Variants in ANKMY1 observed in about 807,000 individuals in gnomAD.
ANKMY1 encodes ankyrin repeat and MYND domain containing 1.
ANKMY1 carries 98 observed loss-of-function variants against 102.0 expected under a neutral mutation model. That is an observed-to-expected ratio of 0.96 (90% CI 0.82 to 1.14). ANKMY1 has a LOEUF of 1.14. Ranked by LOEUF, ANKMY1 falls within the 50% of genes most tolerant of loss-of-function variation. The probability of loss-of-function intolerance (pLI) is 0.00; values close to 1 mark genes in which losing one functional copy is unlikely to be tolerated. For synonymous variants in ANKMY1, 582 were observed against 559.9 expected, an observed-to-expected ratio of 1.04 and a Z score of -0.56; for missense variants, 1,330 against 1,347.6, an observed-to-expected ratio of 0.99 and a Z score of 0.20.
chr2:240,543,713 G>A (rs1400772329), intron 4 of ANKMY1, among the ~76,000 whole-genome samples: 1 of 151,976 alleles, frequency 6.6e-6, no homozygotes, highest in Non-Finnish European at 1.5e-5. Context: ...TAGATAAACT[G>A]CTAAAAATAA....
rs2081932287 is a variant in ANKMY1, at chr2:240,520,234, C to CA, written c.2004+127dup. On this transcript the variant is annotated intron_variant, in intron 9 of 17. Coordinates refer to ENST00000401804, the MANE Select transcript of ANKMY1 (RefSeq NM_001282771.3). This position sits in a 1 kb window ranked among gnomAD's most constrained non-coding sequence, Gnocchi z 4.8. ...CCCACTGCGGCGCGCCGTCATCACT[C>CA]ACAGCCCAGGTGGTCGCCTGCAAGA... The CA allele has an allele frequency of 7.1e-7, 1 of 1,399,400 alleles. No individual in the cohort carries two copies. Among genetic ancestry groups the CA allele is most frequent in the Non-Finnish European group, 9.9e-7 (1 of 1,014,104 alleles). 86.7% of individuals were successfully genotyped at this position (1,399,400 alleles called of 1,614,324 possible).
chr2:240,532,205 AATAGGC>A, intron 4 of ANKMY1: 1 of 415,340 alleles, frequency 2.4e-6, no homozygotes. Flanking sequence ...TCAAAAGAGC[AATAGGC>A]TGACAGCTGA....
At chr2:240,480,716 G>C (rs548533727) in intron 17 of ANKMY1, among the ~76,000 whole-genome samples, 55 of 152,208 alleles carry the variant, frequency 3.6e-4, no homozygotes, top group Non-Finnish European at 6.6e-4. Flanking sequence ...CTTCCAGGAC[G>C]AGGACAAGCA....
At chr2:240,512,352 T>G (rs934447855) in intron 10 of ANKMY1, among the ~76,000 whole-genome samples, 17 of 152,282 alleles carry the variant, frequency 1.1e-4, no homozygotes, top group African/African-American at 3.6e-4. Context: ...GCTCAACCCC[T>G]TGTGGAGGAA....
chr2:240,477,308 C>G (rs2074921228), downstream of ANKMY1, among the ~76,000 whole-genome samples: 1 of 152,166 alleles, frequency 6.6e-6, no homozygotes, highest in Non-Finnish European at 1.5e-5. Flanking sequence ...AAGAGAGAAA[C>G]TCTGTCTCAA....
chr2:240,489,988 G>T (rs1404337213), intron 15 of ANKMY1, among the ~76,000 whole-genome samples: 1 of 152,004 alleles, frequency 6.6e-6, no homozygotes, highest in African/African-American at 2.4e-5. Flanking sequence ...ATTCAATCTT[G>T]GTAGACTCGA....
In ANKMY1 at chr2:240,499,960, C is replaced by G; in HGVS notation, c.2804G>C (p.Arg935Thr). Residue 935 changes from arginine (R) to threonine (T), a missense_variant and splice_region_variant, in exon 15 of 18, where the codon AGA becomes ACA. Transcript: ENST00000401804. This position sits in a 1 kb window ranked among gnomAD's most constrained non-coding sequence, Gnocchi z 4.2. ...GCAGAGCAGGGCCCACTGCTCACCT[C>G]TCTTGCACAGGTACAGCCACGTGGG... ...WDPTWLYLCKRAELIPSHRMK... is the reference protein window; with the variant it reads ...WDPTWLYLCKTAELIPSHRMK... 1 of 1,612,034 alleles carries G rather than the reference C, an allele frequency of 6.2e-7. No individual in the cohort carries two copies. The highest frequency in any genetic ancestry group is 8.5e-7 in the Non-Finnish European group (1 of 1,179,292).
In ANKMY1 at chr2:240,520,514, T is replaced by C; in HGVS notation, c.1852A>G (p.Thr618Ala). 1 of 1,612,410 alleles carries C rather than the reference T, an allele frequency of 6.2e-7. No homozygotes were observed. Among genetic ancestry groups the C allele is most frequent in the South Asian group, 1.1e-5 (1 of 91,002 alleles). The change falls in exon 9 of 18, where the codon ACC (threonine) becomes GCC (alanine). Residue 618 changes from threonine (T) to alanine (A), a missense_variant. Coordinates refer to ENST00000401804, the MANE Select transcript of ANKMY1 (RefSeq NM_001282771.3). The surrounding 1 kb of genome is among the most constrained non-coding windows in gnomAD (Gnocchi z 4.8). The stretch of plus-strand genomic sequence containing the variant: ...CCCCGGCGCAGCAGCAGCTTGATGG[T>C]CCGCCAGCGCTTCCTCCGCCTGAAA... ...SMIERRKRWRTIKLLLRRGAD... is the reference protein window; with the variant it reads ...SMIERRKRWRAIKLLLRRGAD...
At chr2:240,485,584 C>CTT (rs201255082) in intron 15 of ANKMY1, among the ~76,000 whole-genome samples, 1 of 146,804 alleles carries the variant, frequency 6.8e-6, no homozygotes. Context: ...CATGAATCTT[C>CTT]TTTTTTTTTT....
chr2:240,539,692 GAACA>G (rs2088095668), intron 4 of ANKMY1, among the ~76,000 whole-genome samples: 1 of 152,194 alleles, frequency 6.6e-6, no homozygotes, highest in African/African-American at 2.4e-5. Context: ...CCAACTCCTG[GAACA>G]AACAGATGAA....
At chr2:240,500,351 C>A in intron 14 of ANKMY1, 101 bp downstream of exon 14, 1 of 1,338,502 alleles carries the variant, frequency 7.5e-7, no homozygotes, top group African/African-American at 1.5e-5. Flanking sequence ...GCGCTAGGAA[C>A]CTTGAGCCCA....
chr2:240,483,584 T>C (rs908286596), intron 15 of ANKMY1, among the ~76,000 whole-genome samples: 3 of 152,264 alleles, frequency 2.0e-5, no homozygotes, highest in Non-Finnish European at 4.4e-5. Context: ...TGATATCCTG[T>C]AGTTGGATTT....
chr2:240,543,405 G>A (rs995170690), intron 4 of ANKMY1, among the ~76,000 whole-genome samples: 19 of 151,510 alleles, frequency 1.3e-4, no homozygotes, highest in Admixed American at 1.2e-3. Flanking sequence ...CTTCAGAATT[G>A]CCAGCATATA....
chr2:240,505,233 G>A (rs572434680), intron 13 of ANKMY1, among the ~76,000 whole-genome samples: 8 of 151,754 alleles, frequency 5.3e-5, no homozygotes, highest in South Asian at 4.2e-4. Flanking sequence ...AGGCTGAGGC[G>A]GGCGGATCAC....
chr2:240,516,984 A>G (rs4676431), intron 9 of ANKMY1, among the ~76,000 whole-genome samples: 23,724 of 152,242 alleles, frequency 0.16, 1,964 homozygotes, highest in Middle Eastern at 0.26. Context: ...ATATCCATTA[A>G]AAATTGAGTA....
At position 240,537,636 on chromosome 2, in the gene ANKMY1, A is replaced by G. The variant is rs758975963; in HGVS notation, c.481-8127T>C. On this transcript the variant is annotated intron_variant, in intron 4 of 17. Coordinates refer to ENST00000401804, the MANE Select transcript of ANKMY1 (RefSeq NM_001282771.3). ...CAGTCCCACTCCCAAGTATCTTCCCAAGCGACACGGAGGCCCGTGTTTCAT... is the reference window on the plus strand; with the variant it reads ...CAGTCCCACTCCCAAGTATCTTCCCGAGCGACACGGAGGCCCGTGTTTCAT... Among the ~76,000 whole-genome samples, 95 of 152,206 alleles carry G rather than the reference A, an allele frequency of 6.2e-4. 1 individual carries two copies. Among genetic ancestry groups the G allele is most frequent in the Non-Finnish European group, 1.1e-3 (77 of 68,040 alleles).
rs1340347348 is a variant in ANKMY1, at chr2:240,526,351, T to C, written c.1048A>G (p.Met350Val). ...TCCTCAGCCTTTAGGATCATCTCCATGGAAAGTTGCTCTTTGGGCCCACAG... is the reference window on the plus strand; with the variant it reads ...TCCTCAGCCTTTAGGATCATCTCCACGGAAAGTTGCTCTTTGGGCCCACAG... ...APCGPKEQLS[M>V]EMILKAEEGN... Residue 350 changes from methionine to valine, a missense_variant, in exon 6 of 18, where the codon ATG becomes GTG. Physicochemically the swap from Met to Val is conservative, Grantham distance 21. Transcript: ENST00000401804. The C allele has an allele frequency of 6.2e-7, 1 of 1,614,252 alleles. No homozygotes were observed. Among genetic ancestry groups the C allele is most frequent in the African/African-American group, 1.3e-5 (1 of 75,070 alleles).
the ANKMY1 span, among the ~76,000 whole-genome samples, chr2:240,474,320 G>C: frequency 7.0e-6 from 1 of 143,832 alleles, no homozygotes; most frequent in South Asian, 2.2e-4. Context: ...TGTTAGCCAG[G>C]ATGGTCTAAA....
At position 240,557,342 on chromosome 2, in the gene ANKMY1, G is replaced by C. The variant is rs939233972; in HGVS notation, c.-7C>G. The C allele has an allele frequency of 6.5e-7, 1 of 1,533,628 alleles. No individual in the cohort carries two copies. Among genetic ancestry groups the C allele is most frequent in the Non-Finnish European group, 8.8e-7 (1 of 1,135,246 alleles). On this transcript the variant is annotated 5_prime_UTR_variant, in exon 2 of 18. Coordinates refer to ENST00000401804, the MANE Select transcript of ANKMY1 (RefSeq NM_001282771.3). ...AGGCATGGGCCCCTTCCATGTCTGT[G>C]GTCTTCCAACCTGCAAGCGACGTCA...
Sources: allele counts gnomAD v4.1 joint callset (sites outside exome capture counted in the v4.1 genomes callset), GRCh38; gene constraint gnomAD v4.1.1; non-coding constraint Gnocchi (gnomAD v3.1); transcripts MANE v1.5; gene names NCBI Gene and HGNC (gene_info 2026-07-23, HGNC 2026-07-21).